The following SNRNP35 variants were observed in gnomAD, a reference collection of about 807,000 sequenced individuals.
The protein encoded by SNRNP35 is small nuclear ribonucleoprotein U11/U12 subunit 35.
A neutral mutation model predicts 24.3 loss-of-function variants in SNRNP35; 16 were observed. That is an observed-to-expected ratio of 0.66 (90% CI 0.45 to 1.00). The LOEUF (loss-of-function observed/expected upper bound fraction) is 1.00. Among genes scored for constraint, SNRNP35 ranks in the 50% least tolerant of loss-of-function variants. SNRNP35 has a pLI of 0.00. For synonymous variants in SNRNP35, 106 were observed against 124.8 expected (o/e 0.85, Z 1.00); for missense variants, 292 against 327.2 (o/e 0.89, Z 0.83).
chr12:123,462,041 A>T (rs1208380135), intron 1 of SNRNP35, among the ~76,000 whole-genome samples: 2 of 152,160 alleles, frequency 1.3e-5, no homozygotes, highest in African/African-American at 4.8e-5. Flanking sequence ...TTTTGATCAG[A>T]GTTGGTTCAG....
intron 1 of SNRNP35, among the ~76,000 whole-genome samples, chr12:123,462,039 A>C (rs1255230971): frequency 1.3e-5 from 2 of 152,186 alleles, no homozygotes; most frequent in African/African-American, 2.4e-5. Flanking sequence ...ATTTTTGATC[A>C]GAGTTGGTTC....
At chr12:123,472,232 A>G (rs911821970) in exon 2 of SNRNP35, 16 of 313,046 alleles carry the variant, frequency 5.1e-5, no homozygotes, top group Middle Eastern at 1.0e-3. Context: ...TGGCTTAAAG[A>G]AGCTTGTGTT....
At position 123,466,164 on chromosome 12, in the gene SNRNP35, G is replaced by A; in HGVS notation, c.624G>A (p.Glu208=). The A allele has an allele frequency of 6.2e-7, 1 of 1,607,856 alleles. No homozygotes were observed. Among genetic ancestry groups the A allele is most frequent in the Non-Finnish European group, 8.5e-7 (1 of 1,177,716 alleles). Residue 208 remains glutamate (E), a synonymous_variant, in exon 2 of 2, where the codon GAG becomes GAA. Coordinates refer to ENST00000526639, the MANE Select transcript of SNRNP35 (RefSeq NM_022717.4). ...TRDRDHDRGR[E]KRWQEREPTR... The stretch of plus-strand genomic sequence containing the variant: ...ATCGAGACCATGACAGGGGCCGGGA[G>A]AAGAGATGGCAAGAAAGAGAGCCGA...
chr12:123,462,555 G>A (rs565364034), intron 1 of SNRNP35, among the ~76,000 whole-genome samples: 3 of 149,770 alleles, frequency 2.0e-5, no homozygotes, highest in Admixed American at 6.7e-5. Flanking sequence ...TGCCCAGGCT[G>A]GAGGGCAGTG....
At chr12:123,469,030 C>G (rs1881075613), downstream of SNRNP35, among the ~76,000 whole-genome samples, 1 of 152,188 alleles carries the variant, frequency 6.6e-6, no homozygotes. Flanking sequence ...TCATTAGCAC[C>G]TTCCTTGGTG....
At chr12:123,460,873 G>A (rs1593510376) in intron 1 of SNRNP35, among the ~76,000 whole-genome samples, 1 of 151,082 alleles carries the variant, frequency 6.6e-6, no homozygotes, top group Non-Finnish European at 1.5e-5. Flanking sequence ...GGTCAGGCTA[G>A]TCTCGAACTC....
In SNRNP35 at chr12:123,466,302, A is replaced by G. The variant is rs1880982753; in HGVS notation, c.*21A>G. The stretch of plus-strand genomic sequence containing the variant: ...AGTAGAGGCCCAACAGCAGAACCCC[A>G]AAGTGAAGTTACAGTGGAAATGAGT... On this transcript the variant is annotated 3_prime_UTR_variant, in exon 2 of 2. Coordinates refer to ENST00000526639, the MANE Select transcript of SNRNP35 (RefSeq NM_022717.4). 1 of 1,508,012 alleles carries G rather than the reference A, an allele frequency of 6.6e-7. No individual in the cohort carries two copies. The highest frequency in any genetic ancestry group is 2.3e-5 in the East Asian group (1 of 43,608). The allele number at this position is 1,508,012 out of a possible 1,614,324, so 93.4% of individuals were successfully genotyped here. A position where few individuals can be genotyped will look rare whatever the true frequency, so the allele number is the denominator to read the frequency against.
exon 2 of SNRNP35, chr12:123,472,593 G>T (rs778398997): frequency 1.3e-6 from 2 of 1,566,274 alleles, no homozygotes; most frequent in East Asian, 2.4e-5. Flanking sequence ...ATCGCGGTGG[G>T]TGTTTGCCCA....
intron 1 of SNRNP35, chr12:123,464,793 A>G (rs1880851900): frequency 1.3e-5 from 2 of 152,190 alleles, no homozygotes; most frequent in African/African-American, 4.8e-5. Flanking sequence ...AAGAAATCCC[A>G]TGTTCCTTTT....
chr12:123,460,076 C>G (rs985673244), intron 1 of SNRNP35, among the ~76,000 whole-genome samples: 7 of 152,184 alleles, frequency 4.6e-5, no homozygotes, highest in Non-Finnish European at 8.8e-5. Context: ...AAATGATCCG[C>G]TCATCTTGGC....
At chr12:123,459,042 C>T (rs1209340492) in intron 1 of SNRNP35, 1 of 152,102 alleles carries the variant, frequency 6.6e-6, no homozygotes, top group Non-Finnish European at 1.5e-5. Flanking sequence ...GTCAAGCAGT[C>T]CTCCCGCCTC....
chr12:123,461,114 CTCT>C (rs1178156983), intron 1 of SNRNP35, among the ~76,000 whole-genome samples: 6 of 147,224 alleles, frequency 4.1e-5, no homozygotes, highest in East Asian at 4.1e-4. Flanking sequence ...CACGCCCAGC[CTCT>C]TCTTTCTTTT....
At chr12:123,458,922 C>T (rs948422708) in intron 1 of SNRNP35, 6 of 150,944 alleles carry the variant, frequency 4.0e-5, no homozygotes, top group African/African-American at 1.2e-4. Flanking sequence ...CCCCGAAGAC[C>T]CAGGAAGGAG....
downstream of SNRNP35, chr12:123,470,473 CAA>C (rs57574691): frequency 0.067 from 5,748 of 86,176 alleles, 383 homozygotes; most frequent in African/African-American, 0.21. Context: ...ACCCTGTGTC[CAA>C]AAAAAAAAAA....
Position 123,465,735 on chromosome 12 carries a change from C to CAAATTAAAGGAAGTCT in SNRNP35, c.196_211dup (p.Phe71Ter). 2 of 1,613,696 alleles carry CAAATTAAAGGAAGTCT rather than the reference C, an allele frequency of 1.2e-6. No homozygotes were observed. Among genetic ancestry groups the CAAATTAAAGGAAGTCT allele is most frequent in the Non-Finnish European group, 1.7e-6 (2 of 1,179,886 alleles). On this transcript the variant is annotated frameshift_variant, in exon 2 of 2. Transcript: ENST00000526639. LOFTEE classifies it high-confidence loss of function. The surrounding 1 kb of genome is among the most constrained non-coding windows in gnomAD (Gnocchi z 4.2). The stretch of plus-strand genomic sequence containing the variant: ...GACTAAACTTGCAGACCAAGGAGGA[C>CAAATTAAAGGAAGTCT]AAATTAAAGGAAGTCTTTTCCCGCT...
In SNRNP35 at chr12:123,465,787, G is replaced by A; in HGVS notation, c.247G>A (p.Val83Ile). The change falls in exon 2 of 2, where the codon GTC becomes ATC. Residue 83 changes from valine to isoleucine, a missense_variant. Coordinates refer to ENST00000526639, the MANE Select transcript of SNRNP35 (RefSeq NM_022717.4). This position sits in a 1 kb window ranked among gnomAD's most constrained non-coding sequence, Gnocchi z 4.2. ...RYGDIRRLRL[V>I]RDLVTGFSKG... ...TGGTGACATCCGGCGGCTTCGGCTG[G>A]TCAGGGACTTGGTCACAGGTTTTTC... 6.2e-7 allele frequency: 1 copy of A among 1,614,152 alleles called. No individual in the cohort carries two copies. The highest frequency in any genetic ancestry group is 8.5e-7 in the Non-Finnish European group (1 of 1,180,030).
At chr12:123,460,137 T>A (rs1880525650) in intron 1 of SNRNP35, among the ~76,000 whole-genome samples, 2 of 152,096 alleles carry the variant, frequency 1.3e-5, no homozygotes, top group Admixed American at 1.3e-4. Context: ...GGGCCCCTTG[T>A]GACTTTTTAA....
chr12:123,460,847 G>A (rs1026816357), intron 1 of SNRNP35, among the ~76,000 whole-genome samples: 1 of 151,810 alleles, frequency 6.6e-6, no homozygotes, highest in African/African-American at 2.4e-5. Context: ...CAATAGAGAC[G>A]GGGTTACTCC....
intron 1 of SNRNP35, chr12:123,459,106 TATTGATTG>T (rs71088912): frequency 6.6e-6 from 1 of 150,770 alleles, no homozygotes; most frequent in Non-Finnish European, 1.5e-5. Flanking sequence ...GAGAATTGAT[TATTGATTG>T]ATTGATTGAA....
Sources: gnomAD v4.1 joint callset for allele counts (sites outside exome capture counted in the v4.1 genomes callset) on GRCh38, gnomAD v4.1.1 for gene constraint, Gnocchi (gnomAD v3.1) non-coding constraint, MANE v1.5 for transcripts, NCBI Gene and HGNC (gene_info 2026-07-23, HGNC 2026-07-21) for gene names.